ERBB4: variants seen among roughly 807,000 people sequenced by gnomAD.
ERBB4 encodes receptor tyrosine-protein kinase erbB-4.
ERBB4 carries 42 observed loss-of-function variants against 158.0 expected under a neutral mutation model. The ratio of observed to expected loss-of-function variants is 0.27; its 90% CI spans 0.21 to 0.34. The LOEUF (loss-of-function observed/expected upper bound fraction) is 0.34. ERBB4 is among the 10% of genes least tolerant of loss of function. The pLI, the probability that ERBB4 is intolerant of heterozygous loss-of-function variation, is 1.00. For missense variants in ERBB4, 1,333 were observed against 1,624.1 expected (o/e 0.82, Z 3.08); for synonymous variants, 583 against 558.7 (o/e 1.04, Z -0.61).
intron 1 of ERBB4, among the ~76,000 whole-genome samples, chr2:212,153,459 A>G (rs535829708): frequency 1.1e-4 from 17 of 152,302 alleles, no homozygotes; most frequent in African/African-American, 4.1e-4. Flanking sequence ...TGAAACACAG[A>G]ACATACACAA....
intron 4 of ERBB4, among the ~76,000 whole-genome samples, chr2:211,786,772 C>T (rs575740951): frequency 3.3e-5 from 5 of 152,168 alleles, no homozygotes; most frequent in Non-Finnish European, 7.3e-5. Context: ...CCACACCTCC[C>T]CACCACTACC....
At chr2:212,094,566 TAA>T (rs1559485760) in intron 2 of ERBB4, among the ~76,000 whole-genome samples, 4 of 149,710 alleles carry the variant, frequency 2.7e-5, no homozygotes, top group African/African-American at 9.9e-5. Context: ...AATATGAAAA[TAA>T]AAAAATAAAA....
intron 20 of ERBB4, among the ~76,000 whole-genome samples, chr2:211,532,896 TTATA>T (rs2066539899): frequency 6.6e-6 from 1 of 151,950 alleles, no homozygotes; most frequent in Non-Finnish European, 1.5e-5. Flanking sequence ...AGTTTTTAGC[TTATA>T]TAAACTTTCG....
chr2:211,517,532 T>A (rs1363604144), intron 20 of ERBB4, among the ~76,000 whole-genome samples: 1 of 152,102 alleles, frequency 6.6e-6, no homozygotes, highest in Non-Finnish European at 1.5e-5. Flanking sequence ...TGGGTGAAAG[T>A]TAATGGTGAG....
chr2:212,369,245 T>G (rs1164404527), intron 1 of ERBB4, among the ~76,000 whole-genome samples: 1 of 152,198 alleles, frequency 6.6e-6, no homozygotes, highest in Admixed American at 6.6e-5. Context: ...CATTTCTGTA[T>G]GACAACAGTG....
At chr2:211,392,652 ATTC>A (rs1402907817) in intron 25 of ERBB4, among the ~76,000 whole-genome samples, 25 of 149,668 alleles carry the variant, frequency 1.7e-4, no homozygotes, top group African/African-American at 5.2e-4. Flanking sequence ...TTGGGCTCTT[ATTC>A]TTTTTTGTTG....
Position 211,934,926 on chromosome 2 carries a change from T to TAAA in ERBB4, c.421+12501_421+12503dup, listed in dbSNP as rs34614862. 1.7e-4 allele frequency among the ~76,000 whole-genome samples: 15 copies of TAAA among 86,646 alleles called. 1 individual carries two copies. Among genetic ancestry groups the TAAA allele is most frequent in the Admixed American group, 8.9e-4 (8 of 8,942 alleles). The allele number at this position is 86,646 out of a possible 152,430, so 56.8% of individuals were successfully genotyped here. On this transcript the variant is annotated intron_variant, in intron 3 of 27. Coordinates refer to ENST00000342788, the MANE Select transcript of ERBB4 (RefSeq NM_005235.3). ...TACACTAAGCAAAGTCTCATTCAGC[T>TAAA]AAAAAAAAAAAAAAACTGCCTTGAA...
chr2:212,483,742 T>C (rs1420046760), intron 1 of ERBB4, among the ~76,000 whole-genome samples: 2 of 149,674 alleles, frequency 1.3e-5, no homozygotes, highest in Non-Finnish European at 2.9e-5. Context: ...CTTGTCATCA[T>C]GGTCTTTTTT....
At chr2:211,508,759 C>T (rs34306406) in intron 20 of ERBB4, among the ~76,000 whole-genome samples, 61,156 of 151,614 alleles carry the variant, frequency 0.4, 13,194 homozygotes, top group African/African-American at 0.56. Flanking sequence ...CCAACCCAAA[C>T]GCCCATCAGT....
intron 1 of ERBB4, among the ~76,000 whole-genome samples, chr2:212,249,798 T>A (rs903840359): frequency 2.6e-5 from 4 of 152,052 alleles, no homozygotes; most frequent in African/African-American, 9.7e-5. Context: ...ATATACAAGC[T>A]GACCTCAGAA....
At chr2:211,796,719 G>A (rs982942557) in intron 3 of ERBB4, among the ~76,000 whole-genome samples, 1 of 151,832 alleles carries the variant, frequency 6.6e-6, no homozygotes, top group Non-Finnish European at 1.5e-5. Context: ...TATCTTTAAA[G>A]AGTAATTTTT....
chr2:212,470,218 T>G (rs1019643905), intron 1 of ERBB4, among the ~76,000 whole-genome samples: 1 of 152,154 alleles, frequency 6.6e-6, no homozygotes, highest in African/African-American at 2.4e-5. Flanking sequence ...GCCCTCATAC[T>G]GCTTCAAATA....
At chr2:212,413,429 T>G (rs764866855) in intron 1 of ERBB4, among the ~76,000 whole-genome samples, 2 of 152,142 alleles carry the variant, frequency 1.3e-5, no homozygotes, top group Non-Finnish European at 2.9e-5. Context: ...TAACACAGAA[T>G]GTTAAAATTT....
At chr2:212,060,746 T>C (rs1425428337) in intron 2 of ERBB4, among the ~76,000 whole-genome samples, 1 of 148,512 alleles carries the variant, frequency 6.7e-6, no homozygotes, top group Non-Finnish European at 1.5e-5. Context: ...CACTCATAGA[T>C]GGGAATTGAA....
At chr2:211,940,853 T>A (rs2080473973) in intron 3 of ERBB4, among the ~76,000 whole-genome samples, 1 of 151,994 alleles carries the variant, frequency 6.6e-6, no homozygotes, top group Admixed American at 6.6e-5. Context: ...TCATTTCCCC[T>A]TCATTCAGTT....
chr2:212,269,808 C>T lies in ERBB4; in HGVS notation c.83-144905G>A, dbSNP rs1389680004. On this transcript the variant is annotated intron_variant, in intron 1 of 27. Transcript: ENST00000342788. ...CATGCTAAGCCCAATTGAGTGTTCA[C>T]TGATTGATACTCTACTCTTTGCCTT... is the stretch of plus-strand genomic sequence containing the variant. 4.0e-5 allele frequency among the ~76,000 whole-genome samples: 6 copies of T among 151,750 alleles called. No homozygotes were observed. In the Admixed American group the frequency reaches 4.0e-4, roughly 10 times the overall value.
chr2:212,025,747 C>A (rs992831984), intron 2 of ERBB4, among the ~76,000 whole-genome samples: 2 of 151,780 alleles, frequency 1.3e-5, no homozygotes, highest in African/African-American at 4.8e-5. Flanking sequence ...ACTCCTCTCT[C>A]TTTTCTAGAA....
At chr2:211,620,355 TCTTA>T (rs2069552096) in intron 18 of ERBB4, among the ~76,000 whole-genome samples, 1 of 152,178 alleles carries the variant, frequency 6.6e-6, no homozygotes, top group African/African-American at 2.4e-5. Context: ...TTCCTGTCTT[TCTTA>T]CTATCAGCTA....
chr2:211,837,054 T>C (rs1316217637), intron 3 of ERBB4, among the ~76,000 whole-genome samples: 1 of 152,104 alleles, frequency 6.6e-6, no homozygotes, highest in Non-Finnish European at 1.5e-5. Context: ...TCCAAAACCA[T>C]TTGATTATGA....
Sources: gnomAD v4.1 joint callset for allele counts (sites outside exome capture counted in the v4.1 genomes callset) on GRCh38, gnomAD v4.1.1 for gene constraint, MANE v1.5 for transcripts, NCBI Gene and HGNC (gene_info 2026-07-23, HGNC 2026-07-21) for gene names.